The following ACO2 variants were observed in gnomAD, a reference collection of about 807,000 sequenced individuals.
ACO2 encodes the protein aconitate hydratase, mitochondrial.
Under a neutral mutation model 84.5 loss-of-function variants are expected in ACO2, and 31 were observed. That is an observed-to-expected ratio of 0.37 (90% CI 0.28 to 0.50). The LOEUF (loss-of-function observed/expected upper bound fraction) is 0.50. Among genes scored for constraint, ACO2 ranks in the 20% least tolerant of loss-of-function variants. The pLI is 0.97. For synonymous variants in ACO2, 414 were observed against 412.7 expected (o/e 1.00, Z -0.04); for missense variants, 685 against 1,029.3 (o/e 0.67, Z 4.58).
In ACO2 at chr22:41,525,258, C is replaced by T. The variant is rs371225075; in HGVS notation, c.1671C>T (p.Asp557=). 38 of 1,613,964 alleles carry T rather than the reference C, an allele frequency of 2.4e-5. No homozygotes were observed. The highest frequency in any genetic ancestry group is 1.1e-4 in the East Asian group (5 of 44,888). The change falls in exon 14 of 18, where the codon GAC becomes GAT. Residue 557 remains aspartate, a synonymous_variant. Transcript: ENST00000216254. ...PPKDSSGQHV[D]VSPTSQRLQL... ...AGGACAGCAGCGGGCAGCATGTGGA[C>T]GTGAGCCCCACCAGCCAGCGCCTGC...
intron 1 of ACO2, among the ~76,000 whole-genome samples, chr22:41,478,064 C>CAA (rs929775640): frequency 1.4e-5 from 2 of 145,850 alleles, no homozygotes; most frequent in East Asian, 4.1e-4. Flanking sequence ...GACTCTGTCT[C>CAA]AAAAAAAAAA....
At chr22:41,475,169 CT>C (rs1161178390) in intron 1 of ACO2, among the ~76,000 whole-genome samples, 2,865 of 120,224 alleles carry the variant, frequency 0.024, 65 homozygotes, top group African/African-American at 0.077. Context: ...TTGTTTTTTC[CT>C]TTTTTTTTTT....
Position 41,472,190 on chromosome 22 carries a change from T to C in ACO2, c.36+3008T>C, listed in dbSNP as rs2037953685. 2.6e-5 allele frequency among the ~76,000 whole-genome samples: 4 copies of C among 151,880 alleles called. No homozygotes were observed. The South Asian group carries it at 6.2e-4, about 24-fold the overall frequency. The stretch of plus-strand genomic sequence containing the variant: ...CAATATGGTGAAACCCCATCTCTAC[T>C]AAAAACACAAAAATTAGCTGGGTGT... On this transcript the variant is annotated intron_variant, in intron 1 of 17. Transcript: ENST00000216254.
intron 1 of ACO2, among the ~76,000 whole-genome samples, chr22:41,481,881 C>A (rs994538379): frequency 3.3e-5 from 5 of 152,154 alleles, no homozygotes; most frequent in African/African-American, 1.2e-4. Flanking sequence ...CAGAATAGAC[C>A]ATTTTTTGTC....
intron 1 of ACO2, among the ~76,000 whole-genome samples, chr22:41,473,942 G>C (rs1021847095): frequency 6.6e-6 from 1 of 152,100 alleles, no homozygotes; most frequent in Non-Finnish European, 1.5e-5. Context: ...GGCAGGCTTC[G>C]GTAAGGAAAT....
chr22:41,469,256 C>T, intron 1 of ACO2, 74 bp downstream of exon 1: 3 of 1,543,264 alleles, frequency 1.9e-6, no homozygotes, highest in Non-Finnish European at 2.6e-6. Context: ...GTGGGCGAGG[C>T]AGGGCGAGGC....
chr22:41,520,027 C>T (rs569482174), intron 8 of ACO2, 144 bp from the exon 9 acceptor site: 7 of 675,062 alleles, frequency 1.0e-5, no homozygotes, highest in African/African-American at 9.0e-5. Flanking sequence ...GCCAACTGCT[C>T]AGTTCTTCCC....
At chr22:41,523,554 G>A (rs2066545311) in intron 11 of ACO2, among the ~76,000 whole-genome samples, 3 of 152,206 alleles carry the variant, frequency 2.0e-5, no homozygotes, top group Non-Finnish European at 4.4e-5. Flanking sequence ...AGCAGGAGCC[G>A]TTTGGGAGGA....
rs111399643 is a variant in ACO2, at chr22:41,478,258, C to T, written c.36+9076C>T. On this transcript the variant is annotated intron_variant, in intron 1 of 17. Coordinates refer to ENST00000216254, the MANE Select transcript of ACO2 (RefSeq NM_001098.3). ...GTTCAAGCAGTTCTTTTGCCCCAGC[C>T]TCCCAAGTAGCTGGGATCACAGGCA... is the stretch of plus-strand genomic sequence containing the variant. 6.7e-3 allele frequency among the ~76,000 whole-genome samples: 1,017 copies of T among 152,158 alleles called. 13 individuals carry two copies. Among genetic ancestry groups the T allele is most frequent in the Middle Eastern group, 0.034 (10 of 294 alleles).
chr22:41,503,371 G>A (rs2066367690), intron 2 of ACO2, among the ~76,000 whole-genome samples: 1 of 151,678 alleles, frequency 6.6e-6, no homozygotes, highest in African/African-American at 2.4e-5. Flanking sequence ...CTGTCGCCCA[G>A]GCTGGCTGGA....
intron 1 of ACO2, among the ~76,000 whole-genome samples, chr22:41,478,841 G>A (rs2038052553): frequency 6.9e-6 from 1 of 143,912 alleles, no homozygotes. Context: ...CACGATCTCT[G>A]CTCACTGCAA....
intron 4 of ACO2, among the ~76,000 whole-genome samples, chr22:41,513,417 C>T (rs1215874200): frequency 3.9e-5 from 6 of 152,352 alleles, no homozygotes; most frequent in African/African-American, 1.4e-4. Context: ...GATGTCACGT[C>T]TTCAGCAGCC....
At chr22:41,523,722 G>T in intron 11 of ACO2, 108 bp from the exon 12 acceptor site, 3 of 1,017,114 alleles carry the variant, frequency 2.9e-6, no homozygotes, top group Non-Finnish European at 4.5e-6. Context: ...ATTTTCCCTC[G>T]GTAGGAGCTA....
chr22:41,470,389 C>G (rs2037930093), intron 1 of ACO2, among the ~76,000 whole-genome samples: 1 of 152,090 alleles, frequency 6.6e-6, no homozygotes. Context: ...TAAATTTAAA[C>G]TTGAACTTAT....
chr22:41,484,088 T>C (rs1015703795), intron 1 of ACO2, among the ~76,000 whole-genome samples: 3 of 152,072 alleles, frequency 2.0e-5, no homozygotes, highest in Non-Finnish European at 2.9e-5. Flanking sequence ...GGCAGGGAAA[T>C]GGGGGGTTGG....
intron 1 of ACO2, among the ~76,000 whole-genome samples, chr22:41,481,500 AG>A (rs2038086362): frequency 6.6e-6 from 1 of 152,204 alleles, no homozygotes; most frequent in Non-Finnish European, 1.5e-5. Flanking sequence ...AGCCTGCCCG[AG>A]AATAGGTCAG....
In ACO2 at chr22:41,522,999, T is replaced by C; in HGVS notation, c.1296+12T>C. On this transcript the variant is annotated intron_variant, in intron 10 of 17. Coordinates refer to ENST00000216254, the MANE Select transcript of ACO2 (RefSeq NM_001098.3). ...AGCGGGACGGCTATGTGAGTGCCCATATCCCCCTGCCCATCTCCCCCACCC... is the reference window on the plus strand; with the variant it reads ...AGCGGGACGGCTATGTGAGTGCCCACATCCCCCTGCCCATCTCCCCCACCC... The C allele has an allele frequency of 6.2e-7, 1 of 1,613,752 alleles. No individual in the cohort carries two copies. The highest frequency in any genetic ancestry group is 8.5e-7 in the Non-Finnish European group (1 of 1,179,782).
chr22:41,527,810 G>C (rs988954730), intron 16 of ACO2, 91 bp from the exon 17 acceptor site: 3 of 1,594,390 alleles, frequency 1.9e-6, no homozygotes, highest in African/African-American at 2.7e-5. Flanking sequence ...AGCAGGATTA[G>C]GGGCATCTCC....
chr22:41,524,814 G>A, intron 12 of ACO2, 32 bp from the exon 13 acceptor site: 1 of 1,614,084 alleles, frequency 6.2e-7, no homozygotes, highest in Non-Finnish European at 8.5e-7. Context: ...GGCAATTGGT[G>A]CTGACCAACA....
Sources: allele counts gnomAD v4.1 joint callset (sites outside exome capture counted in the v4.1 genomes callset), GRCh38; gene constraint gnomAD v4.1.1; transcripts MANE v1.5; gene names NCBI Gene and HGNC (gene_info 2026-07-23, HGNC 2026-07-21).